EPHX1: variants seen among roughly 807,000 people sequenced by gnomAD.
EPHX1 encodes epoxide hydrolase 1.
Under a neutral mutation model 43.2 loss-of-function variants are expected in EPHX1, and 40 were observed. The observed-to-expected ratio is 0.93, with a 90% CI of 0.72 to 1.21. The LOEUF is 1.21. Ranked by LOEUF, EPHX1 falls within the 50% of genes most tolerant of loss-of-function variation. The pLI is 0.00. For synonymous variants in EPHX1, 221 were observed against 226.7 expected, an observed-to-expected ratio of 0.98 and a Z score of 0.22; for missense variants, 550 against 570.4, an observed-to-expected ratio of 0.96 and a Z score of 0.36.
intron 6 of EPHX1, 68 bp from the exon 7 acceptor site, chr1:225,842,298 C>G: frequency 8.2e-7 from 1 of 1,213,380 alleles, no homozygotes; most frequent in East Asian, 2.3e-5. Flanking sequence ...TGCCACACAT[C>G]ACACCTGAAG....
At chr1:225,824,873 C>T (rs980742796) in intron 1 of EPHX1, among the ~76,000 whole-genome samples, 10 of 152,200 alleles carry the variant, frequency 6.6e-5, no homozygotes, top group Non-Finnish European at 1.3e-4. Context: ...TAATCAAGAA[C>T]ACTTTTCTTT....
intron 6 of EPHX1, among the ~76,000 whole-genome samples, chr1:225,841,347 A>T (rs555619642): frequency 2.0e-5 from 3 of 152,068 alleles, no homozygotes; most frequent in Non-Finnish European, 4.4e-5. Flanking sequence ...CAGTGGTGTG[A>T]TCTCAGCTCA....
rs374935221 is a variant in EPHX1, at chr1:225,842,488, T to C, written c.1040+14T>C. ...AGGCCTGGAAAGGTGAGGCCCTGGTTTGCCCCTGCAGTCATGACCCTGGTC... is the reference window on the plus strand; with the variant it reads ...AGGCCTGGAAAGGTGAGGCCCTGGTCTGCCCCTGCAGTCATGACCCTGGTC... On this transcript the variant is annotated intron_variant, in intron 7 of 8. Coordinates refer to ENST00000272167, the MANE Select transcript of EPHX1 (RefSeq NM_001136018.4). The C allele has an allele frequency of 5.4e-5, 86 of 1,583,040 alleles. No homozygotes were observed. The Middle Eastern group carries it at 6.6e-4, about 12-fold the overall frequency.
chr1:225,818,338 A>C (rs1666819674), intron 1 of EPHX1, among the ~76,000 whole-genome samples: 1 of 152,232 alleles, frequency 6.6e-6, no homozygotes, highest in Non-Finnish European at 1.5e-5. Flanking sequence ...TCAGTGGCCT[A>C]CAGGAGCTTC....
chr1:225,845,082 G>A (rs1668831830), intron 8 of EPHX1, 64 bp from the exon 9 acceptor site: 1 of 1,573,942 alleles, frequency 6.4e-7, no homozygotes, highest in East Asian at 2.2e-5. Context: ...TTAACCCCCT[G>A]CTGTGCAGGA....
Position 225,838,686 on chromosome 1 carries a change from C to T in EPHX1, c.397C>T (p.Pro133Ser). The change falls in exon 4 of 9, where the codon CCC becomes TCC. Residue 133 changes from proline (P) to serine (S), a missense_variant. Pro to Ser is a moderately conservative substitution (Grantham distance 74). Transcript: ENST00000272167. ...CATCCACTTCATCCACGTGAAGCCCCCCCAGCTGCCCGCAGGCCATACCCC... is the reference window on the plus strand; with the variant it reads ...CATCCACTTCATCCACGTGAAGCCCTCCCAGCTGCCCGCAGGCCATACCCC... Reference protein sequence around the residue: ...LDIHFIHVKPPQLPAGHTPKP... With the variant: ...LDIHFIHVKPSQLPAGHTPKP... 1.2e-6 allele frequency: 2 copies of T among 1,614,128 alleles called. No homozygotes were observed. The highest frequency in any genetic ancestry group is 1.1e-5 in the South Asian group (1 of 91,082).
At chr1:225,811,208 T>C (rs1295658599) in intron 1 of EPHX1, among the ~76,000 whole-genome samples, 1 of 152,204 alleles carries the variant, frequency 6.6e-6, no homozygotes, top group Non-Finnish European at 1.5e-5. Context: ...CTGGCAGATG[T>C]CGGTTTTCTC....
chr1:225,843,161 T>C (rs41359248), intron 7 of EPHX1, among the ~76,000 whole-genome samples: 2,202 of 152,112 alleles, frequency 0.014, 57 homozygotes, highest in African/African-American at 0.05. Flanking sequence ...GCCCAGTACA[T>C]AGATGTTGAA....
rs541520122 is a variant in EPHX1 at position 225,842,416 on chromosome 1, A to G, written c.982A>G (p.Lys328Glu). The change falls in exon 7 of 9, where the codon AAG becomes GAG. Residue 328 changes from lysine to glutamate, a missense_variant. Lys to Glu is a moderately conservative substitution (Grantham distance 56). Transcript: ENST00000272167. ...PVGLAAYILE[K>E]FSTWTNTEFR... ...GGGTCTGGCTGCCTATATTCTAGAG[A>G]AGTTTTCCACCTGGACCAATACGGA... 29 of 1,614,012 alleles carry G rather than the reference A, an allele frequency of 1.8e-5. No individual in the cohort carries two copies. The highest frequency in any genetic ancestry group is 4.0e-5 in the African/African-American group (3 of 74,984).
intron 1 of EPHX1, among the ~76,000 whole-genome samples, chr1:225,822,232 T>G (rs1332572704): frequency 5.3e-5 from 8 of 152,182 alleles, no homozygotes; most frequent in Non-Finnish European, 1.2e-4. Context: ...TCCAGTCACG[T>G]TTTTAAAAAA....
intron 3 of EPHX1, among the ~76,000 whole-genome samples, chr1:225,833,808 A>C (rs77668241): frequency 0.04 from 5,325 of 132,840 alleles, 308 homozygotes; most frequent in African/African-American, 0.14. Flanking sequence ...AAAAAAAAAA[A>C]AAAAACAGGC....
rs748955306 is a variant in EPHX1, at chr1:225,828,629, C to G, written c.-5-96C>G. 9.2e-6 allele frequency: 11 copies of G among 1,197,624 alleles called. No individual in the cohort carries two copies. In the African/African-American group the frequency reaches 1.5e-4, roughly 17 times the overall value. 74.2% of individuals were successfully genotyped at this position (1,197,624 alleles called of 1,614,324 possible). On this transcript the variant is annotated intron_variant, in intron 1 of 8. Transcript: ENST00000272167. ...AATAAAATCAGGGACAGGGTTGGAG[C>G]GCAGCAGGAAAGAGCCTGCTGGGGA...
Position 225,842,248 on chromosome 1 carries a change from A to G in EPHX1, c.932-118A>G, listed in dbSNP as rs746059301. ...AGGAGTTAAGGCAGGCCTGTGCTCG[A>G]ACGTGGCTTCCTGCACACAGCCCCG... On this transcript the variant is annotated intron_variant, in intron 6 of 8. Coordinates refer to ENST00000272167, the MANE Select transcript of EPHX1 (RefSeq NM_001136018.4). 414 of 786,364 alleles carry G rather than the reference A, an allele frequency of 5.3e-4. 3 individuals carry two copies. Among genetic ancestry groups the G allele is most frequent in the Non-Finnish European group, 1.1e-4 (51 of 444,372 alleles). The allele number at this position is 786,364 out of a possible 1,614,324, so 48.7% of individuals were successfully genotyped here.
intron 1 of EPHX1, among the ~76,000 whole-genome samples, chr1:225,827,002 C>T (rs954627104): frequency 2.6e-5 from 4 of 152,152 alleles, no homozygotes; most frequent in African/African-American, 4.8e-5. Context: ...AGGAATAAGG[C>T]GAGAGCCATC....
intron 3 of EPHX1, chr1:225,832,193 TGCACCATC>T (rs1667645823): frequency 3.7e-6 from 2 of 536,124 alleles, no homozygotes; most frequent in Non-Finnish European, 6.8e-6. Flanking sequence ...ACCAAAGAAA[TGCACCATC>T]CAGTCCAATG....
chr1:225,838,863 G>A lies in EPHX1; in HGVS notation c.574G>A (p.Glu192Lys), dbSNP rs1668128096. The change falls in exon 4 of 9, where the codon GAG becomes AAG. Residue 192 changes from glutamate (E) to lysine (K), a missense_variant. Physicochemically the swap from Glu to Lys is moderately conservative, Grantham distance 56 (BLOSUM62 1). Coordinates refer to ENST00000272167, the MANE Select transcript of EPHX1 (RefSeq NM_001136018.4). ...CPSIPGYGFS[E>K]ASSKKGFNSV... ...TTCCATCCCTGGCTATGGCTTCTCAGAGGCATCCTCCAAGAAGGGTACGGG... is the reference window on the plus strand; with the variant it reads ...TTCCATCCCTGGCTATGGCTTCTCAAAGGCATCCTCCAAGAAGGGTACGGG... 2 of 1,614,074 alleles carry A rather than the reference G, an allele frequency of 1.2e-6. No individual in the cohort carries two copies. The highest frequency in any genetic ancestry group is 2.7e-5 in the African/African-American group (2 of 74,936).
In EPHX1 at chr1:225,839,980, A is replaced by G; in HGVS notation, c.874A>G (p.Ser292Gly). Residue 292 changes from serine (S) to glycine (G), a missense_variant, in exon 6 of 9, where the codon AGC becomes GGC. Physicochemically the swap from Ser to Gly is moderately conservative, Grantham distance 56 (BLOSUM62 0). Coordinates refer to ENST00000272167, the MANE Select transcript of EPHX1 (RefSeq NM_001136018.4). ...LYPVKEKVFYSLMRESGYMHI... is the reference protein window; with the variant it reads ...LYPVKEKVFYGLMRESGYMHI... ...CCCCGTCAAGGAGAAGGTATTCTAC[A>G]GCCTGATGAGGGAGAGCGGCTACAT... is the stretch of plus-strand genomic sequence containing the variant. 1 of 1,614,214 alleles carries G rather than the reference A, an allele frequency of 6.2e-7. No homozygotes were observed. Among genetic ancestry groups the G allele is most frequent in the East Asian group, 2.2e-5 (1 of 44,880 alleles).
At chr1:225,830,795 T>G (rs1559020665) in intron 2 of EPHX1, among the ~76,000 whole-genome samples, 1 of 152,184 alleles carries the variant, frequency 6.6e-6, no homozygotes, top group South Asian at 2.1e-4. Flanking sequence ...AACTCAGTTA[T>G]AATGTATCAT....
intron 3 of EPHX1, among the ~76,000 whole-genome samples, chr1:225,836,522 T>C (rs1394226305): frequency 1.3e-5 from 2 of 151,938 alleles, no homozygotes; most frequent in East Asian, 3.9e-4. Flanking sequence ...CACTTGAGCC[T>C]GGGAGGTTGA....
Sources: gnomAD v4.1 joint callset for allele counts (sites outside exome capture counted in the v4.1 genomes callset) on GRCh38, gnomAD v4.1.1 for gene constraint, MANE v1.5 for transcripts, NCBI Gene and HGNC (gene_info 2026-07-23, HGNC 2026-07-21) for gene names.